Variants in PLA2G4B observed in about 807,000 individuals in gnomAD.
PLA2G4B encodes phospholipase A2 group IVB.
A neutral mutation model predicts 95.8 loss-of-function variants in PLA2G4B; 122 were observed. That is an observed-to-expected ratio of 1.27 (90% confidence interval 1.10 to 1.48). The LOEUF (loss-of-function observed/expected upper bound fraction) is 1.48, where lower values mean the gene tolerates loss of function less well. PLA2G4B is among the 40% of genes most tolerant of loss of function. PLA2G4B has a pLI of 0.00. For synonymous variants in PLA2G4B, 518 were observed against 421.5 expected (o/e 1.23, Z -2.80); for missense variants, 1,158 against 996.2 (o/e 1.16, Z -2.19).
chr15:41,839,053 A>C (rs1337213342), intron 1 of PLA2G4B, 131 bp downstream of exon 1: 1 of 694,760 alleles, frequency 1.4e-6, no homozygotes, highest in Non-Finnish European at 2.3e-6. Flanking sequence ...CCACAAGACC[A>C]GGGTAGCGGG....
At chr15:41,845,828 C>T (rs1239388731) in intron 15 of PLA2G4B, 53 bp downstream of exon 15, 16 of 1,548,764 alleles carry the variant, frequency 1.0e-5, no homozygotes, top group South Asian at 1.3e-5. Context: ...AAAATGGGTC[C>T]TGGGTGAGAG....
Position 41,840,787 on chromosome 15 carries a change from T to G in PLA2G4B, c.233T>G (p.Leu78Arg). The change falls in exon 4 of 20, where the codon CTG becomes CGG. Residue 78 changes from leucine to arginine, a missense_variant. Transcript: ENST00000458483. ...IHRQLKNVME[L>R]KVFDQDLVTG... ...TTTCCCCTCCAGAATGTCATGGAAC[T>G]GAAAGTCTTTGACCAGGACCTGGTG... The G allele has an allele frequency of 6.2e-7, 1 of 1,613,848 alleles. No individual in the cohort carries two copies. Among genetic ancestry groups the G allele is most frequent in the Non-Finnish European group, 8.5e-7 (1 of 1,179,820 alleles).
At position 41,845,696 on chromosome 15, in the gene PLA2G4B, C is replaced by A; in HGVS notation, c.1416C>A (p.Pro472=). 6.2e-7 allele frequency: 1 copy of A among 1,613,808 alleles called. No homozygotes were observed. Among genetic ancestry groups the A allele is most frequent in the South Asian group, 1.1e-5 (1 of 91,058 alleles). ...TCCCCAAGTACGGGGCCTTCATCCC[C>A]TCTGAGCTCTTTGGCTCCGAGTTCT... ...VGFPKYGAFI[P]SELFGSEFFM... The change falls in exon 15 of 20, where the codon CCC becomes CCA. Residue 472 remains proline (P), a synonymous_variant. Transcript: ENST00000458483.
intron 18 of PLA2G4B, 33 bp from the exon 19 acceptor site, chr15:41,847,304 G>A (rs1944335737): frequency 1.3e-6 from 2 of 1,566,596 alleles, no homozygotes; most frequent in Non-Finnish European, 1.7e-6. Flanking sequence ...CAGGGGCCCT[G>A]TCCCTCTGAA....
At chr15:41,847,296 G>T in intron 18 of PLA2G4B, 41 bp from the exon 19 acceptor site, 1 of 1,554,584 alleles carries the variant, frequency 6.4e-7, no homozygotes, top group Non-Finnish European at 8.7e-7. Flanking sequence ...GAGGATGCCA[G>T]GGGCCCTGTC....
In PLA2G4B at chr15:41,842,461, G is replaced by A. The variant is rs1201292445; in HGVS notation, c.706-93G>A. ...CCTGGCGCCTGTGGAGACGGTGGCG[G>A]GGCGGGGGTGGTGCGCCGGGGATCA... On this transcript the variant is annotated intron_variant, in intron 9 of 19. Coordinates refer to ENST00000458483, the MANE Select transcript of PLA2G4B (RefSeq NM_001114633.2). The A allele has an allele frequency of 4.5e-6, 7 of 1,545,250 alleles. No individual in the cohort carries two copies. The East Asian group carries it at 1.4e-4, about 31-fold the overall frequency.
Position 41,840,617 on chromosome 15 carries a change from T to C in PLA2G4B, c.176T>C (p.Val59Ala). 2 of 1,613,986 alleles carry C rather than the reference T, an allele frequency of 1.2e-6. No individual in the cohort carries two copies. Among genetic ancestry groups the C allele is most frequent in the African/African-American group, 2.7e-5 (2 of 75,066 alleles). The change falls in exon 3 of 20, where the codon GTC becomes GCC. Residue 59 changes from valine (V) to alanine (A), a missense_variant. By Grantham distance (64) the Val-to-Ala change is moderately conservative. Transcript: ENST00000458483. The stretch of plus-strand genomic sequence containing the variant: ...ACGGTCAAGAACAGCAGTAGCCCTG[T>C]CTGGAACCAGAGCTTTCACTTCAGG... ...TRTVKNSSSP[V>A]WNQSFHFRIH...
At chr15:41,846,100 G>C in intron 16 of PLA2G4B, 53 bp downstream of exon 16, 6 of 1,572,318 alleles carry the variant, frequency 3.8e-6, no homozygotes, top group Non-Finnish European at 5.2e-6. Context: ...AGCTGGGGCT[G>C]CACCAGGGGG....
chr15:41,848,010 T>C lies in PLA2G4B; in HGVS notation c.*150T>C. 1 of 1,125,218 alleles carries C rather than the reference T, an allele frequency of 8.9e-7. No homozygotes were observed. The highest frequency in any genetic ancestry group is 1.2e-6 in the Non-Finnish European group (1 of 811,728). The allele number at this position is 1,125,218 out of a possible 1,614,324, so 69.7% of individuals were successfully genotyped here. The stretch of plus-strand genomic sequence containing the variant: ...TGAGGGCTGGGAGCTCCCTTGCGCC[T>C]CAGCAGTTTGCAGTGGGGTAAGGAG... On this transcript the variant is annotated 3_prime_UTR_variant, in exon 20 of 20. Coordinates refer to ENST00000458483, the MANE Select transcript of PLA2G4B (RefSeq NM_001114633.2).
intron 3 of PLA2G4B, 28 bp from the exon 4 acceptor site, chr15:41,840,746 G>C (rs1260329099): frequency 6.2e-7 from 1 of 1,610,952 alleles, no homozygotes; most frequent in East Asian, 2.2e-5. Flanking sequence ...CCTCCCTCCT[G>C]CAGCCCTGTC....
chr15:41,847,348 C>T lies in PLA2G4B; in HGVS notation c.1959C>T (p.Leu653=), dbSNP rs1293414860. The change falls in exon 19 of 20, where the codon CTC becomes CTT. Residue 653 remains leucine, a synonymous_variant. Transcript: ENST00000458483. ...NLHGAFQQLQ[L]LGRFCQEQGI... ...TGCCTGCCCTGCAGCAGTTGCAGCT[C>T]CTGGGCCGGTTCTGCCAGGAGCAGG... 2 of 1,604,852 alleles carry T rather than the reference C, an allele frequency of 1.2e-6. No individual in the cohort carries two copies. The highest frequency in any genetic ancestry group is 1.7e-6 in the Non-Finnish European group (2 of 1,175,410).
chr15:41,847,666 G>T lies in PLA2G4B; in HGVS notation c.2152G>T (p.Glu718Ter), dbSNP rs556452143. The change falls in exon 20 of 20, where the codon GAG becomes TAG. Residue 718 changes from glutamate (E) to a stop codon, truncating the protein, a stop_gained. Transcript: ENST00000458483. LOFTEE classifies it low-confidence loss of function (END_TRUNC). ...CTCCACAGGGGTCCGGCGGACACCC[G>T]AGGAGGCGGCAGCTGGGGAGGTGAA... Reference protein sequence around the residue: ...YSAPGVRRTPEEAAAGEVNLS... With the variant: ...YSAPGVRRTP 2 of 1,613,474 alleles carry T rather than the reference G, an allele frequency of 1.2e-6. No individual in the cohort carries two copies. Among genetic ancestry groups the T allele is most frequent in the Non-Finnish European group, 1.7e-6 (2 of 1,180,024 alleles).
rs2065516364 is a variant in PLA2G4B at position 41,845,237 on chromosome 15, C to T, written c.1274C>T (p.Ala425Val). Residue 425 changes from alanine to valine, a missense_variant, in exon 14 of 20, where the codon GCC becomes GTC. Transcript: ENST00000458483. ...HDHKLSDQREALSHGQNPLPI... is the reference protein window; with the variant it reads ...HDHKLSDQREVLSHGQNPLPI... ...CACAAGCTCTCAGATCAACGGGAGGCCCTGAGTCATGGCCAGAACCCTCTG... is the reference window on the plus strand; with the variant it reads ...CACAAGCTCTCAGATCAACGGGAGGTCCTGAGTCATGGCCAGAACCCTCTG... 2.5e-6 allele frequency: 4 copies of T among 1,614,154 alleles called. No individual in the cohort carries two copies. Among genetic ancestry groups the T allele is most frequent in the Non-Finnish European group, 3.4e-6 (4 of 1,180,014 alleles).
At position 41,844,615 on chromosome 15, in the gene PLA2G4B, G is replaced by A; in HGVS notation, c.1016+8G>A. 1.2e-6 allele frequency: 2 copies of A among 1,614,022 alleles called. No homozygotes were observed. Among genetic ancestry groups the A allele is most frequent in the African/African-American group, 1.3e-5 (1 of 75,044 alleles). ...GGCCTCGGGCTCCACCTGGTGAGCT[G>A]GGGGCAGGCTGATGCTGGACCCTGT... On this transcript the variant is annotated splice_region_variant and intron_variant, in intron 12 of 19. Transcript: ENST00000458483.
At chr15:41,844,410 C>A in intron 11 of PLA2G4B, 61 bp from the exon 12 acceptor site, 1 of 1,610,954 alleles carries the variant, frequency 6.2e-7, no homozygotes, top group Non-Finnish European at 8.5e-7. Context: ...ACCTCTTCTT[C>A]CTGTGACTTG....
rs535617707 is a variant in PLA2G4B at position 41,843,911 on chromosome 15, C to T, written c.879+100C>T. Reference sequence around the variant, plus strand: ...CTTGTCCCCGATCTAGACCAGAGCTCGTAGCTGCCTGTCCCCACCCTGCTT... The same window carrying T: ...CTTGTCCCCGATCTAGACCAGAGCTTGTAGCTGCCTGTCCCCACCCTGCTT... On this transcript the variant is annotated intron_variant, in intron 11 of 19. Transcript: ENST00000458483. The T allele has an allele frequency of 4.0e-4, 595 of 1,495,708 alleles. 2 individuals carry two copies. Among genetic ancestry groups the T allele is most frequent in the Middle Eastern group, 2.8e-3 (12 of 4,248 alleles). 92.7% of individuals were successfully genotyped at this position (1,495,708 alleles called of 1,614,324 possible).
Position 41,840,545 on chromosome 15 carries a change from T to G in PLA2G4B, c.104T>G (p.Val35Gly), listed in dbSNP as rs1487227909. ...KDLVTPSDCY[V>G]TLWLPTACSH... ...GCAGTGACCCCCTCTGACTGCTACGTGACTCTCTGGCTGCCCACGGCCTGC... is the reference window on the plus strand; with the variant it reads ...GCAGTGACCCCCTCTGACTGCTACGGGACTCTCTGGCTGCCCACGGCCTGC... The change falls in exon 3 of 20, where the codon GTG (valine) becomes GGG (glycine). Residue 35 changes from valine to glycine, a missense_variant. Transcript: ENST00000458483. The G allele has an allele frequency of 1.9e-6, 3 of 1,613,744 alleles. No homozygotes were observed. Among genetic ancestry groups the G allele is most frequent in the Middle Eastern group, 3.3e-4 (2 of 6,082 alleles).
chr15:41,844,849 G>T lies in PLA2G4B; in HGVS notation c.1018G>T (p.Ala340Ser). Reference protein sequence around the residue: ...YITGASGSTWALANLYEDPEW... With the variant: ...YITGASGSTWSLANLYEDPEW... Reference sequence around the variant, plus strand: ...GGCTTTGGCTTTGGCTTTTCCCAGGGCCTTGGCCAACCTTTATGAGGACCC... The same window carrying T: ...GGCTTTGGCTTTGGCTTTTCCCAGGTCCTTGGCCAACCTTTATGAGGACCC... Residue 340 changes from alanine (A) to serine (S), a missense_variant and splice_region_variant, in exon 13 of 20, where the codon GCC becomes TCC. By Grantham distance (99) the Ala-to-Ser change is moderately conservative. Coordinates refer to ENST00000458483, the MANE Select transcript of PLA2G4B (RefSeq NM_001114633.2). 6.2e-7 allele frequency: 1 copy of T among 1,600,524 alleles called. No homozygotes were observed. The highest frequency in any genetic ancestry group is 8.5e-7 in the Non-Finnish European group (1 of 1,174,010).
At chr15:41,845,834 G>C in intron 15 of PLA2G4B, 59 bp downstream of exon 15, 1 of 1,544,080 alleles carries the variant, frequency 6.5e-7, no homozygotes, top group Non-Finnish European at 8.7e-7. Context: ...GGTCCTGGGT[G>C]AGAGGGCAGC....
Sources: gnomAD v4.1 joint callset for allele counts on GRCh38, gnomAD v4.1.1 for gene constraint, MANE v1.5 for transcripts, NCBI Gene and HGNC (gene_info 2026-07-23, HGNC 2026-07-21) for gene names.